The following GAREM1 variants were observed in gnomAD, a reference collection of about 807,000 sequenced individuals.
GAREM1 encodes the protein GRB2-associated and regulator of MAPK protein 1.
In GAREM1, 26 loss-of-function variants were observed where a neutral mutation model predicts 71.3. The ratio of observed to expected loss-of-function variants is 0.36; its 90% confidence interval spans 0.27 to 0.51. The LOEUF is 0.51. GAREM1 is among the 20% of genes least tolerant of loss of function. The pLI, the probability that GAREM1 is intolerant of heterozygous loss-of-function variation, is 0.95. For synonymous variants in GAREM1, 440 were observed against 433.2 expected, an observed-to-expected ratio of 1.02 and a Z score of -0.20; for missense variants, 1,026 against 1,103.1, an observed-to-expected ratio of 0.93 and a Z score of 0.99.
At chr18:32,406,322 C>T (rs2048366188) in intron 1 of GAREM1, among the ~76,000 whole-genome samples, 1 of 152,148 alleles carries the variant, frequency 6.6e-6, no homozygotes, top group African/African-American at 2.4e-5. Flanking sequence ...AGCCACCGCG[C>T]CCAGCCTAGC....
intron 2 of GAREM1, among the ~76,000 whole-genome samples, chr18:32,367,043 A>G (rs966116804): frequency 6.6e-6 from 1 of 152,200 alleles, no homozygotes; most frequent in Non-Finnish European, 1.5e-5. Flanking sequence ...ATTTAACCTT[A>G]TACTTCAGAT....
Position 32,268,429 on chromosome 18 carries a change from G to A in GAREM1, c.2073C>T (p.Ser691=), listed in dbSNP as rs748471810. The A allele has an allele frequency of 9.3e-6, 15 of 1,614,156 alleles. No individual in the cohort carries two copies. In the Admixed American group the frequency reaches 1.5e-4, roughly 16 times the overall value. ...TSPVTAEFSS[S]VSGCPKSASY... ...TGGCTGACTTGGGACAACCAGAGAC[G>A]CTGCTACTGAATTCTGCAGTGACTG... The change falls in exon 6 of 6, where the codon AGC becomes AGT. Residue 691 remains serine (S), a synonymous_variant. Transcript: ENST00000269209.
At chr18:32,325,330 T>C (rs75653391) in intron 2 of GAREM1, among the ~76,000 whole-genome samples, 11,485 of 152,208 alleles carry the variant, frequency 0.075, 733 homozygotes, top group African/African-American at 0.17. Context: ...ACTCACAGAA[T>C]GTACAACAGC....
intron 1 of GAREM1, among the ~76,000 whole-genome samples, chr18:32,465,899 C>T (rs1263061536): frequency 6.6e-6 from 1 of 152,176 alleles, no homozygotes; most frequent in African/African-American, 2.4e-5. Context: ...TGGTTCTTCA[C>T]TCACTTTACA....
chr18:32,341,428 A>C (rs2047646569), intron 2 of GAREM1, among the ~76,000 whole-genome samples: 1 of 152,172 alleles, frequency 6.6e-6, no homozygotes, highest in Non-Finnish European at 1.5e-5. Context: ...GAATAGTGTC[A>C]CAATAAACAT....
At chr18:32,428,933 GT>G (rs374018552) in intron 1 of GAREM1, among the ~76,000 whole-genome samples, 93 of 146,824 alleles carry the variant, frequency 6.3e-4, no homozygotes, top group Admixed American at 2.7e-3. Flanking sequence ...AGTAGTTCAA[GT>G]TTTTTTTTTT....
At chr18:32,388,238 A>T (rs1451115509) in intron 2 of GAREM1, among the ~76,000 whole-genome samples, 1 of 152,234 alleles carries the variant, frequency 6.6e-6, no homozygotes, top group African/African-American at 2.4e-5. Flanking sequence ...TCATAATAGC[A>T]GGTAAGTAAA....
intron 2 of GAREM1, among the ~76,000 whole-genome samples, chr18:32,344,485 C>T (rs937157362): frequency 6.6e-6 from 1 of 152,014 alleles, no homozygotes; most frequent in Admixed American, 6.6e-5. Context: ...AACAGATTAT[C>T]AACAGAAATT....
intron 2 of GAREM1, among the ~76,000 whole-genome samples, chr18:32,362,535 G>A (rs1281669635): frequency 1.3e-5 from 2 of 152,170 alleles, no homozygotes; most frequent in Non-Finnish European, 2.9e-5. Context: ...TTACAGAAAA[G>A]AGAGAGAAGT....
rs2041406804 is a variant in GAREM1 at position 32,268,384 on chromosome 18, T to C, written c.2118A>G (p.Thr706=). The part of the protein sequence containing the change: ...PKSASYSLES[T]DVKSLAAGVT... ...CACCAGCTGCAAGAGATTTCACATC[T>C]GTGCTCTCCAGAGAGTAGCTGGCTG... is the stretch of plus-strand genomic sequence containing the variant. Residue 706 remains threonine (T), a synonymous_variant, in exon 6 of 6, where the codon ACA becomes ACG. Coordinates refer to ENST00000269209, the MANE Select transcript of GAREM1 (RefSeq NM_001242409.2). 6.2e-7 allele frequency: 1 copy of C among 1,614,186 alleles called. No homozygotes were observed. The highest frequency in any genetic ancestry group is 2.2e-5 in the East Asian group (1 of 44,880).
chr18:32,296,433 T>C (rs762234558), intron 3 of GAREM1, among the ~76,000 whole-genome samples: 1 of 152,206 alleles, frequency 6.6e-6, no homozygotes, highest in African/African-American at 2.4e-5. Flanking sequence ...ACAAGTTTTA[T>C]TTGGATTTCA....
intron 2 of GAREM1, among the ~76,000 whole-genome samples, chr18:32,378,413 T>C (rs2048059999): frequency 6.7e-6 from 1 of 149,986 alleles, no homozygotes; most frequent in Admixed American, 6.7e-5. Context: ...GGCACGAGAA[T>C]CTCTTGAACC....
chr18:32,282,228 G>A (rs1478617732), intron 4 of GAREM1, among the ~76,000 whole-genome samples: 1 of 152,118 alleles, frequency 6.6e-6, no homozygotes, highest in Non-Finnish European at 1.5e-5. Flanking sequence ...AGACCATCCT[G>A]GCCAACATGG....
intron 1 of GAREM1, among the ~76,000 whole-genome samples, chr18:32,438,570 C>T (rs746211883): frequency 5.9e-5 from 9 of 152,164 alleles, no homozygotes; most frequent in East Asian, 1.9e-4. Flanking sequence ...GCAACAAAGG[C>T]GAGTCAAGAA....
intron 2 of GAREM1, among the ~76,000 whole-genome samples, chr18:32,321,528 T>A (rs931792281): frequency 7.2e-5 from 11 of 152,200 alleles, no homozygotes; most frequent in African/African-American, 2.7e-4. Context: ...GGATCTCTCC[T>A]AAATTCCACA....
chr18:32,457,068 T>C lies in GAREM1; in HGVS notation c.121+13240A>G, dbSNP rs374759466. 3.0e-4 allele frequency among the ~76,000 whole-genome samples: 46 copies of C among 151,714 alleles called. No homozygotes were observed. The East Asian group carries it at 7.6e-3, about 25-fold the overall frequency. ...CTGGACTGTTAGAGTGGATTACATTTGGATTATGTAGGTGGGCTGGTTTGG... is the reference window on the plus strand; with the variant it reads ...CTGGACTGTTAGAGTGGATTACATTCGGATTATGTAGGTGGGCTGGTTTGG... On this transcript the variant is annotated intron_variant, in intron 1 of 5. Coordinates refer to ENST00000269209, the MANE Select transcript of GAREM1 (RefSeq NM_001242409.2).
chr18:32,396,432 T>C (rs555308062), intron 1 of GAREM1, among the ~76,000 whole-genome samples: 1 of 152,144 alleles, frequency 6.6e-6, no homozygotes, highest in Non-Finnish European at 1.5e-5. Flanking sequence ...AATGGCTAAC[T>C]AGAATAACCA....
At chr18:32,349,362 A>C (rs2047726395) in intron 2 of GAREM1, among the ~76,000 whole-genome samples, 1 of 152,174 alleles carries the variant, frequency 6.6e-6, no homozygotes, top group Admixed American at 6.5e-5. Context: ...AAGTTTCAAA[A>C]ACCGTCTGGA....
chr18:32,304,405 T>A (rs1449033443), intron 3 of GAREM1, among the ~76,000 whole-genome samples: 1 of 152,186 alleles, frequency 6.6e-6, no homozygotes, highest in Non-Finnish European at 1.5e-5. Flanking sequence ...AATGTGAAAC[T>A]TAATTTTTTA....
Sources: gnomAD v4.1 joint callset for allele counts (sites outside exome capture counted in the v4.1 genomes callset) on GRCh38, gnomAD v4.1.1 for gene constraint, MANE v1.5 for transcripts, NCBI Gene and HGNC (gene_info 2026-07-23, HGNC 2026-07-21) for gene names.